The following LINGO2 variants were observed in gnomAD, a reference collection of about 807,000 sequenced individuals.
LINGO2 encodes leucine-rich repeat and immunoglobulin-like domain-containing nogo receptor-interacting protein 2.
Under a neutral mutation model 30.6 loss-of-function variants are expected in LINGO2, and 14 were observed. That is an observed-to-expected ratio of 0.46 (90% CI 0.30 to 0.72). The LOEUF (loss-of-function observed/expected upper bound fraction) is 0.72. Among genes scored for constraint, LINGO2 ranks in the 30% least tolerant of loss-of-function variants. LINGO2 has a pLI of 0.07. For missense variants in LINGO2, 729 were observed against 751.7 expected (o/e 0.97, Z 0.35); for synonymous variants, 317 against 288.5 (o/e 1.10, Z -1.00).
Position 28,444,251 on chromosome 9 carries a change from C to T in LINGO2, c.-279+31689G>A, listed in dbSNP as rs573973134. On this transcript the variant is annotated intron_variant, in intron 2 of 5. Transcript: ENST00000379992. ...TCGCTGAGCTGCAGGTGGTGAAACG[C>T]TCTTAGACTGTGGGAGTGAAGAGTG... 1.6e-4 allele frequency among the ~76,000 whole-genome samples: 24 copies of T among 152,326 alleles called. No homozygotes were observed. The East Asian group carries it at 4.2e-3, about 27-fold the overall frequency.
chr9:28,222,437 T>C (rs1340159995), intron 4 of LINGO2, among the ~76,000 whole-genome samples: 2 of 152,038 alleles, frequency 1.3e-5, no homozygotes, highest in East Asian at 3.9e-4. Context: ...TCTTTTTTAC[T>C]ACAAAAAACC....
At chr9:28,743,699 T>A in the LINGO2 span, among the ~76,000 whole-genome samples, 1 of 151,780 alleles carries the variant, frequency 6.6e-6, no homozygotes, top group African/African-American at 2.4e-5. Flanking sequence ...ATGGGATGAG[T>A]AGTTTTTTTG....
At chr9:28,296,763 T>G (rs963894387) in intron 3 of LINGO2, among the ~76,000 whole-genome samples, 5 of 152,214 alleles carry the variant, frequency 3.3e-5, no homozygotes, top group African/African-American at 1.2e-4. Context: ...ATGTTGATGC[T>G]ATTAGATACC....
intron 3 of LINGO2, among the ~76,000 whole-genome samples, chr9:28,304,753 A>G (rs952234400): frequency 5.3e-5 from 8 of 152,054 alleles, no homozygotes; most frequent in African/African-American, 1.7e-4. Context: ...TTTACCAAAC[A>G]ATTCAAATTA....
chr9:28,359,419 G>A (rs1820357044), intron 3 of LINGO2, among the ~76,000 whole-genome samples: 1 of 151,716 alleles, frequency 6.6e-6, no homozygotes, highest in Non-Finnish European at 1.5e-5. Flanking sequence ...AGAAAACATT[G>A]GTCCCAGAGT....
At chr9:28,185,289 T>G (rs1819501983) in intron 4 of LINGO2, among the ~76,000 whole-genome samples, 1 of 152,198 alleles carries the variant, frequency 6.6e-6, no homozygotes, top group African/African-American at 2.4e-5. Flanking sequence ...TTTTACATAA[T>G]GCAAGGTGTT....
the LINGO2 span, among the ~76,000 whole-genome samples, chr9:28,918,685 T>C: frequency 6.6e-6 from 1 of 152,210 alleles, no homozygotes; most frequent in African/African-American, 2.4e-5. Context: ...CTTGAAAACA[T>C]ATATTTCAAC....
At chr9:28,047,303 G>T (rs1027290970) in intron 4 of LINGO2, among the ~76,000 whole-genome samples, 1 of 152,086 alleles carries the variant, frequency 6.6e-6, no homozygotes, top group Non-Finnish European at 1.5e-5. Flanking sequence ...GATGATTGTA[G>T]GTTCTGGCAG....
the LINGO2 span, among the ~76,000 whole-genome samples, chr9:28,994,793 T>A: frequency 3.3e-5 from 5 of 152,242 alleles, no homozygotes; most frequent in African/African-American, 9.6e-5. Context: ...TAATAAATGG[T>A]CCTGGGAAAA....
At chr9:29,111,205 C>A in the LINGO2 span, among the ~76,000 whole-genome samples, 1 of 152,066 alleles carries the variant, frequency 6.6e-6, no homozygotes, top group South Asian at 2.1e-4. Flanking sequence ...CTAAAGTAAC[C>A]TGTTTTGTGT....
At chr9:28,199,112 T>C (rs1820122484) in intron 4 of LINGO2, among the ~76,000 whole-genome samples, 1 of 152,182 alleles carries the variant, frequency 6.6e-6, no homozygotes, top group Non-Finnish European at 1.5e-5. Context: ...GTATCATAGT[T>C]CTTATTACCC....
the LINGO2 span, among the ~76,000 whole-genome samples, chr9:28,966,223 G>A: frequency 6.6e-6 from 1 of 152,120 alleles, no homozygotes; most frequent in Non-Finnish European, 1.5e-5. Context: ...TGTCTGAAAA[G>A]CAGAGATTAG....
chr9:28,679,573 A>G, the LINGO2 span, among the ~76,000 whole-genome samples: 1 of 152,074 alleles, frequency 6.6e-6, no homozygotes, highest in Non-Finnish European at 1.5e-5. Flanking sequence ...GTACATATTT[A>G]ATGTATACAA....
At chr9:28,709,540 T>A in the LINGO2 span, among the ~76,000 whole-genome samples, 1 of 152,050 alleles carries the variant, frequency 6.6e-6, no homozygotes. Context: ...AAAATTTTAC[T>A]TCAAATCAAA....
chr9:28,465,961 C>G (rs1825284564), intron 2 of LINGO2, among the ~76,000 whole-genome samples: 2 of 151,962 alleles, frequency 1.3e-5, no homozygotes. Flanking sequence ...CAGGCAATAA[C>G]AAATGCTGAT....
At chr9:28,341,719 G>A (rs1034917071) in intron 3 of LINGO2, among the ~76,000 whole-genome samples, 1 of 152,098 alleles carries the variant, frequency 6.6e-6, no homozygotes, top group African/African-American at 2.4e-5. Flanking sequence ...GAACCATATA[G>A]CGTGTGTTTC....
At chr9:28,734,973 T>C in the LINGO2 span, among the ~76,000 whole-genome samples, 1 of 152,212 alleles carries the variant, frequency 6.6e-6, no homozygotes, top group African/African-American at 2.4e-5. Flanking sequence ...TGTTTCTGAG[T>C]AATACTGCAT....
the LINGO2 span, among the ~76,000 whole-genome samples, chr9:28,725,635 C>T: frequency 1.4e-5 from 2 of 147,648 alleles, no homozygotes; most frequent in African/African-American, 2.5e-5. Context: ...CACTGGTTTG[C>T]AAAGATAAGG....
Position 28,070,664 on chromosome 9 carries a change from T to G in LINGO2, c.-86-58259A>C, listed in dbSNP as rs902321103. 5.3e-5 allele frequency among the ~76,000 whole-genome samples: 8 copies of G among 152,300 alleles called. No homozygotes were observed. The East Asian group carries it at 9.7e-4, about 18-fold the overall frequency. ...AATCTTATAACTACTGTAATTATTATGTACTTGGTGTTATAGGGCCATGGA... is the reference window on the plus strand; with the variant it reads ...AATCTTATAACTACTGTAATTATTAGGTACTTGGTGTTATAGGGCCATGGA... On this transcript the variant is annotated intron_variant, in intron 4 of 5. Transcript: ENST00000379992.
Sources: allele counts gnomAD v4.1 joint callset (sites outside exome capture counted in the v4.1 genomes callset), GRCh38; gene constraint gnomAD v4.1.1; transcripts MANE v1.5; gene names NCBI Gene and HGNC (gene_info 2026-07-23, HGNC 2026-07-21).